Variants in TNKS observed in about 807,000 individuals in gnomAD.
TNKS encodes poly [ADP-ribose] polymerase tankyrase-1.
A neutral mutation model predicts 135.8 loss-of-function variants in TNKS; 72 were observed. That is an observed-to-expected ratio of 0.53 (90% CI 0.44 to 0.64). The LOEUF is 0.64. Ranked by LOEUF, TNKS falls within the 30% of genes least tolerant of loss-of-function variation. TNKS has a pLI of 0.00. For synonymous variants in TNKS, 849 were observed against 649.3 expected (o/e 1.31, Z -4.68); for missense variants, 1,769 against 1,674.0 (o/e 1.06, Z -0.99).
chr8:9,637,593 C>T (rs1168325244), intron 3 of TNKS, among the ~76,000 whole-genome samples: 1 of 152,038 alleles, frequency 6.6e-6, no homozygotes, highest in Non-Finnish European at 1.5e-5. Context: ...ATTAGAATGC[C>T]AGTGGCAATG....
intron 18 of TNKS, among the ~76,000 whole-genome samples, chr8:9,750,655 C>T (rs1280231409): frequency 2.0e-5 from 3 of 152,180 alleles, no homozygotes; most frequent in African/African-American, 7.2e-5. Flanking sequence ...GCCACATGTC[C>T]ACCAGCACCC....
At chr8:9,604,874 C>G (rs1210539907) in intron 2 of TNKS, among the ~76,000 whole-genome samples, 1 of 151,744 alleles carries the variant, frequency 6.6e-6, no homozygotes, top group Non-Finnish European at 1.5e-5. Flanking sequence ...TCTTTTTCCT[C>G]TGTATACTTC....
chr8:9,706,099 G>T, intron 6 of TNKS, 88 bp from the exon 7 acceptor site: 3 of 803,682 alleles, frequency 3.7e-6, no homozygotes, highest in South Asian at 2.2e-5. Flanking sequence ...TAATTGTATT[G>T]GGATTTATTG....
chr8:9,688,233 A>G (rs77562848), intron 5 of TNKS, among the ~76,000 whole-genome samples: 11,109 of 152,226 alleles, frequency 0.073, 725 homozygotes, highest in East Asian at 0.21. Flanking sequence ...TTGACAGTAG[A>G]GTATTCTACA....
intron 2 of TNKS, among the ~76,000 whole-genome samples, chr8:9,589,769 T>C (rs1004785974): frequency 1.3e-5 from 2 of 152,248 alleles, no homozygotes; most frequent in Admixed American, 6.5e-5. Context: ...GATTTTGATT[T>C]TGGATCCCTT....
chr8:9,679,752 T>G (rs1347634901), intron 3 of TNKS, 199 bp from the exon 4 acceptor site: 2 of 510,304 alleles, frequency 3.9e-6, no homozygotes, highest in Admixed American at 3.2e-5. Flanking sequence ...GACAAGAAGC[T>G]GCGTCAATTT....
At position 9,778,545 on chromosome 8, in the gene TNKS, C is replaced by T. The variant is rs777767028; in HGVS notation, c.*1809C>T. ...TTTTTATGGGTCCTCAAAATTAAATCGAGAATTAGCCTCAGTTGTTGCTTC... is the reference window on the plus strand; with the variant it reads ...TTTTTATGGGTCCTCAAAATTAAATTGAGAATTAGCCTCAGTTGTTGCTTC... On this transcript the variant is annotated 3_prime_UTR_variant, in exon 27 of 27. Coordinates refer to ENST00000310430, the MANE Select transcript of TNKS (RefSeq NM_003747.3). The T allele has an allele frequency of 7.9e-5, 12 of 152,622 alleles. No homozygotes were observed. The highest frequency in any genetic ancestry group is 1.9e-4 in the East Asian group (1 of 5,184). The allele number at this position is 152,622 out of a possible 1,614,324, so 9.5% of individuals were successfully genotyped here.
chr8:9,558,270 G>C (rs1797171379), intron 1 of TNKS: 1 of 152,158 alleles, frequency 6.6e-6, no homozygotes, highest in South Asian at 2.1e-4. Context: ...GGAAATCATT[G>C]TTAGGTCACT....
intron 26 of TNKS, among the ~76,000 whole-genome samples, chr8:9,776,328 C>T (rs1008883695): frequency 6.6e-6 from 1 of 152,296 alleles, no homozygotes; most frequent in Admixed American, 6.5e-5. Context: ...CACCAATGCT[C>T]TGTGAGGTGA....
Position 9,776,670 on chromosome 8 carries a change from C to T in TNKS, c.3918C>T (p.Ile1306=). The part of the protein sequence containing the change: ...RGEQAYPEYL[I]TYQIMKPEAP... ...CCCAGGCATACCCAGAGTATCTTAT[C>T]ACTTACCAGATCATGAAGCCAGAAG... The change falls in exon 27 of 27, where the codon ATC becomes ATT. Residue 1306 remains isoleucine, a synonymous_variant. Transcript: ENST00000310430. 1 of 1,614,004 alleles carries T rather than the reference C, an allele frequency of 6.2e-7. No individual in the cohort carries two copies. The highest frequency in any genetic ancestry group is 1.1e-5 in the South Asian group (1 of 91,074).
chr8:9,577,177 T>C (rs183525957), intron 1 of TNKS, among the ~76,000 whole-genome samples: 124 of 152,242 alleles, frequency 8.1e-4, no homozygotes, highest in African/African-American at 2.8e-3. Flanking sequence ...AGGATTTTGG[T>C]TGAAAATGAA....
intron 13 of TNKS, among the ~76,000 whole-genome samples, chr8:9,730,143 C>A (rs531212903): frequency 1.3e-5 from 2 of 152,130 alleles, no homozygotes; most frequent in Non-Finnish European, 2.9e-5. Context: ...ACCAGTGATA[C>A]AGTCTTTCAT....
intron 3 of TNKS, among the ~76,000 whole-genome samples, chr8:9,650,696 G>A (rs1173686863): frequency 6.6e-6 from 1 of 151,962 alleles, no homozygotes; most frequent in Non-Finnish European, 1.5e-5. Context: ...GTTCCTTGTA[G>A]ATTCTAGATG....
At chr8:9,753,873 C>G (rs1382180767) in intron 20 of TNKS, among the ~76,000 whole-genome samples, 1 of 152,218 alleles carries the variant, frequency 6.6e-6, no homozygotes, top group Admixed American at 6.5e-5. Context: ...GCACAGAGAT[C>G]TAATCTCCAG....
intron 20 of TNKS, among the ~76,000 whole-genome samples, chr8:9,753,668 T>G (rs1159540905): frequency 2.0e-5 from 3 of 152,210 alleles, no homozygotes; most frequent in Non-Finnish European, 4.4e-5. Context: ...GAAAGGTGTT[T>G]AGAGAAAAAT....
intron 2 of TNKS, among the ~76,000 whole-genome samples, chr8:9,610,407 T>C (rs1799414450): frequency 6.6e-6 from 1 of 151,630 alleles, no homozygotes; most frequent in Admixed American, 6.6e-5. Flanking sequence ...TATATAATAT[T>C]ATACCATTTT....
chr8:9,755,045 A>C (rs1563212757), intron 20 of TNKS, among the ~76,000 whole-genome samples: 1 of 152,212 alleles, frequency 6.6e-6, no homozygotes, highest in African/African-American at 2.4e-5. Context: ...TCTTTGCTAA[A>C]TAAACCAAAG....
At chr8:9,762,129 C>T (rs1807177525) in intron 21 of TNKS, among the ~76,000 whole-genome samples, 1 of 152,204 alleles carries the variant, frequency 6.6e-6, no homozygotes, top group South Asian at 2.1e-4. Flanking sequence ...TCTAACCTTT[C>T]TTAACTTGAA....
intron 2 of TNKS, among the ~76,000 whole-genome samples, chr8:9,592,211 C>A (rs1798614446): frequency 6.6e-6 from 1 of 152,152 alleles, no homozygotes; most frequent in South Asian, 2.1e-4. Context: ...TGAAATCTTT[C>A]CACAAACGAA....
Sources: allele counts gnomAD v4.1 joint callset (sites outside exome capture counted in the v4.1 genomes callset), GRCh38; gene constraint gnomAD v4.1.1; transcripts MANE v1.5; gene names NCBI Gene and HGNC (gene_info 2026-07-23, HGNC 2026-07-21).